CD53: variants seen among roughly 807,000 people sequenced by gnomAD.
CD53 encodes the protein CD53 molecule.
Under a neutral mutation model 27.3 loss-of-function variants are expected in CD53, and 20 were observed. The observed-to-expected ratio is 0.73, with a 90% CI of 0.52 to 1.07. The LOEUF (loss-of-function observed/expected upper bound fraction) is 1.07. Among genes scored for constraint, CD53 ranks in the 50% least tolerant of loss-of-function variants. CD53 has a pLI of 0.00. For synonymous variants in CD53, 106 were observed against 105.3 expected (o/e 1.01, Z -0.04); for missense variants, 216 against 264.0 (o/e 0.82, Z 1.26).
chr1:110,879,299 C>G (rs1001448148), intron 1 of CD53, among the ~76,000 whole-genome samples: 1 of 152,108 alleles, frequency 6.6e-6, no homozygotes, highest in African/African-American at 2.4e-5. Flanking sequence ...TATTAATAAC[C>G]CTATTTCAAA....
At chr1:110,882,770 A>G (rs1656409838) in intron 1 of CD53, among the ~76,000 whole-genome samples, 1 of 151,986 alleles carries the variant, frequency 6.6e-6, no homozygotes, top group Non-Finnish European at 1.5e-5. Flanking sequence ...TTCAGTGTAC[A>G]ATTCTTTCAC....
chr1:110,872,329 A>G (rs550049425), upstream of CD53, among the ~76,000 whole-genome samples: 1 of 152,316 alleles, frequency 6.6e-6, no homozygotes, highest in East Asian at 1.9e-4. Context: ...TCTTAGTTGT[A>G]TGAGCTTGGG....
chr1:110,884,596 C>T (rs1173132958), intron 1 of CD53, among the ~76,000 whole-genome samples: 1 of 152,052 alleles, frequency 6.6e-6, no homozygotes, highest in Non-Finnish European at 1.5e-5. Context: ...TCTATATCTT[C>T]TTTCAGTTCT....
rs1249917020 is a variant in CD53 at position 110,873,186 on chromosome 1, C to T, written c.-80C>T. The T allele has an allele frequency of 3.9e-5, 6 of 152,570 alleles. No individual in the cohort carries two copies. The highest frequency in any genetic ancestry group is 9.7e-5 in the African/African-American group (4 of 41,434). The allele number at this position is 152,570 out of a possible 1,614,324, so 9.5% of individuals were successfully genotyped here. On this transcript the variant is annotated 5_prime_UTR_variant, in exon 1 of 8. Transcript: ENST00000271324. ...GATATCTGTGTTACCAGCCTTGTCT[C>T]GGCCACCTCAAGGATAATCACTAAA...
intron 6 of CD53, among the ~76,000 whole-genome samples, chr1:110,897,494 C>G (rs1261639311): frequency 2.0e-5 from 3 of 152,188 alleles, no homozygotes; most frequent in African/African-American, 7.2e-5. Context: ...AATCTCTGGT[C>G]AGCACTGAGT....
intron 3 of CD53, among the ~76,000 whole-genome samples, chr1:110,893,573 C>T (rs1656940921): frequency 6.6e-6 from 1 of 152,216 alleles, no homozygotes; most frequent in South Asian, 2.1e-4. Context: ...CCACCTGCCT[C>T]GGCCTCCCAA....
At chr1:110,877,012 A>G (rs1656154184) in intron 1 of CD53, among the ~76,000 whole-genome samples, 1 of 152,224 alleles carries the variant, frequency 6.6e-6, no homozygotes, top group Non-Finnish European at 1.5e-5. Flanking sequence ...GATCAAAACC[A>G]GGAAATTAAC....
intron 1 of CD53, among the ~76,000 whole-genome samples, chr1:110,888,998 C>T (rs1472958272): frequency 2.6e-5 from 4 of 152,098 alleles, no homozygotes; most frequent in African/African-American, 9.7e-5. Flanking sequence ...TTCTTTGGGA[C>T]TTGACATATT....
At chr1:110,878,429 A>G (rs1400357936) in intron 1 of CD53, among the ~76,000 whole-genome samples, 4 of 152,254 alleles carry the variant, frequency 2.6e-5, no homozygotes, top group African/African-American at 7.2e-5. Flanking sequence ...CAATCTGTAT[A>G]TAGAGAAATG....
At chr1:110,887,462 C>A (rs564650192) in intron 1 of CD53, among the ~76,000 whole-genome samples, 1 of 152,264 alleles carries the variant, frequency 6.6e-6, no homozygotes, top group East Asian at 1.9e-4. Context: ...TACTTTCTTG[C>A]TTCTTGCATG....
chr1:110,897,398 G>A (rs61805603), intron 6 of CD53, among the ~76,000 whole-genome samples: 1,624 of 152,334 alleles, frequency 0.011, 15 homozygotes, highest in South Asian at 0.035. Context: ...AACTGCCCTG[G>A]CACTTGGTAG....
intron 1 of CD53, among the ~76,000 whole-genome samples, chr1:110,889,415 C>T (rs2154184): frequency 0.16 from 24,845 of 151,742 alleles, 2,562 homozygotes; most frequent in Middle Eastern, 0.29. Flanking sequence ...AAAAATTAGC[C>T]GGGCGTGGTG....
At chr1:110,886,869 A>ATATATATATATATATATATATATATT (rs1298376721) in intron 1 of CD53, among the ~76,000 whole-genome samples, 1 of 82,800 alleles carries the variant, frequency 1.2e-5, no homozygotes, top group African/African-American at 5.3e-5. Context: ...ATATATATAT[A>ATATATATATATATATATATATATATT]TTTTTTTTTT....
chr1:110,888,173 T>C (rs959978995), intron 1 of CD53, among the ~76,000 whole-genome samples: 2 of 152,196 alleles, frequency 1.3e-5, no homozygotes, highest in African/African-American at 4.8e-5. Flanking sequence ...ACAACCTGAA[T>C]GTATACTTCT....
At chr1:110,889,109 T>C (rs1292138971) in intron 1 of CD53, among the ~76,000 whole-genome samples, 1 of 83,854 alleles carries the variant, frequency 1.2e-5, no homozygotes, top group Non-Finnish European at 3.6e-5. Flanking sequence ...TAAGAGTTAA[T>C]TTAATTTTTT....
Position 110,891,376 on chromosome 1 carries a change from C to T in CD53, c.-17-16C>T, listed in dbSNP as rs1161990660. 8 of 1,571,344 alleles carry T rather than the reference C, an allele frequency of 5.1e-6. No individual in the cohort carries two copies. Among genetic ancestry groups the T allele is most frequent in the Non-Finnish European group, 7.0e-6 (8 of 1,141,106 alleles). ...ACAGAGTGAGGTAACTTACTTTCTT[C>T]TTCCTTATTCCTTAGGGCAAGAATA... On this transcript the variant is annotated splice_polypyrimidine_tract_variant and intron_variant, in intron 1 of 7. Transcript: ENST00000271324.
chr1:110,897,220 A>G (rs1185107183), intron 6 of CD53, among the ~76,000 whole-genome samples: 3 of 152,206 alleles, frequency 2.0e-5, no homozygotes, highest in Non-Finnish European at 2.9e-5. Context: ...AACCTGTCCA[A>G]TTAATTTGGA....
upstream of CD53, among the ~76,000 whole-genome samples, chr1:110,871,845 A>ACACACT (rs1194248479): frequency 6.6e-6 from 1 of 151,666 alleles, no homozygotes; most frequent in African/African-American, 2.4e-5. Flanking sequence ...ACACACACAC[A>ACACACT]CACCACACAG....
rs79198256 is a variant in CD53, at chr1:110,899,229, C to G, written c.*34C>G. On this transcript the variant is annotated 3_prime_UTR_variant, in exon 8 of 8. Coordinates refer to ENST00000271324, the MANE Select transcript of CD53 (RefSeq NM_000560.4). ...AGTCCTGTGGTGAAGAGACTTGTTT[C>G]ATCTCCGGAAATGCAAAACCATTTA... is the stretch of plus-strand genomic sequence containing the variant. 1.7e-3 allele frequency: 2,488 copies of G among 1,505,786 alleles called. 5 individuals carry two copies. The highest frequency in any genetic ancestry group is 2.1e-3 in the Non-Finnish European group (2,291 of 1,081,010). The allele number at this position is 1,505,786 out of a possible 1,614,324, so 93.3% of individuals were successfully genotyped here. A position where few individuals can be genotyped will look rare whatever the true frequency, so the allele number is the denominator to read the frequency against.
Sources: gnomAD v4.1 joint callset for allele counts (sites outside exome capture counted in the v4.1 genomes callset) on GRCh38, gnomAD v4.1.1 for gene constraint, MANE v1.5 for transcripts, NCBI Gene and HGNC (gene_info 2026-07-23, HGNC 2026-07-21) for gene names.